Variants in ROBO1 observed in about 807,000 individuals in gnomAD.
ROBO1 encodes the protein roundabout guidance receptor 1.
In ROBO1, 149 loss-of-function variants were observed where a neutral mutation model predicts 195.9. The observed-to-expected ratio is 0.76, with a 90% CI of 0.67 to 0.87. The LOEUF (loss-of-function observed/expected upper bound fraction) is 0.87. ROBO1 is among the 40% of genes least tolerant of loss of function. The pLI, the probability that ROBO1 is intolerant of heterozygous loss-of-function variation, is 0.00. For synonymous variants in ROBO1, 816 were observed against 733.2 expected, an observed-to-expected ratio of 1.11 and a Z score of -1.82; for missense variants, 1,933 against 2,068.3, an observed-to-expected ratio of 0.93 and a Z score of 1.27.
At chr3:79,311,028 G>C (rs1176237457) in intron 2 of ROBO1, among the ~76,000 whole-genome samples, 1 of 151,880 alleles carries the variant, frequency 6.6e-6, no homozygotes, top group Non-Finnish European at 1.5e-5. Context: ...TTCTTTATTT[G>C]ATACGTCAAG....
chr3:79,148,977 C>G (rs2080710441), intron 2 of ROBO1, among the ~76,000 whole-genome samples: 1 of 151,872 alleles, frequency 6.6e-6, no homozygotes, highest in Non-Finnish European at 1.5e-5. Context: ...CCAAGTGAGT[C>G]ATTGTTTCCC....
chr3:79,324,285 A>G (rs886978830), intron 2 of ROBO1, among the ~76,000 whole-genome samples: 1 of 152,196 alleles, frequency 6.6e-6, no homozygotes, highest in Admixed American at 6.6e-5. Flanking sequence ...TTTATTTTGC[A>G]CCTGCTATCT....
chr3:79,591,114 A>C (rs1400461929), intron 1 of ROBO1, among the ~76,000 whole-genome samples: 1 of 151,906 alleles, frequency 6.6e-6, no homozygotes, highest in African/African-American at 2.4e-5. Flanking sequence ...GGAAGTGGAA[A>C]GACTTAATCT....
chr3:78,796,364 T>C (rs1435606408), intron 4 of ROBO1, among the ~76,000 whole-genome samples: 1 of 83,298 alleles, frequency 1.2e-5, no homozygotes, highest in Non-Finnish European at 2.4e-5. Flanking sequence ...TGAAATTCAA[T>C]ACCAGAACCG....
chr3:78,611,633 C>T (rs761806805), intron 28 of ROBO1, among the ~76,000 whole-genome samples: 38 of 152,164 alleles, frequency 2.5e-4, no homozygotes, highest in Non-Finnish European at 4.3e-4. Flanking sequence ...GCCACAATGC[C>T]GGGTGTCAGG....
At chr3:79,009,476 T>C (rs2077721878) in intron 3 of ROBO1, among the ~76,000 whole-genome samples, 1 of 152,276 alleles carries the variant, frequency 6.6e-6, no homozygotes, top group East Asian at 1.9e-4. Context: ...GGAAGACCAC[T>C]GAATTCAGCT....
intron 4 of ROBO1, among the ~76,000 whole-genome samples, chr3:78,856,392 C>T (rs187123698): frequency 6.6e-5 from 10 of 151,698 alleles, no homozygotes; most frequent in African/African-American, 2.4e-4. Context: ...ACTATAGACG[C>T]TATCTGAAGC....
intron 5 of ROBO1, among the ~76,000 whole-genome samples, chr3:78,734,646 G>C (rs189661424): frequency 6.6e-6 from 1 of 151,662 alleles, no homozygotes; most frequent in East Asian, 1.9e-4. Context: ...ATCATCTCAG[G>C]AGATTTAAGA....
chr3:78,656,722 G>T (rs748318007), intron 18 of ROBO1, among the ~76,000 whole-genome samples: 1 of 151,996 alleles, frequency 6.6e-6, no homozygotes, highest in Non-Finnish European at 1.5e-5. Flanking sequence ...TGTTCACGGA[G>T]GTATCCTTGG....
chr3:78,618,335 G>A (rs1704250736), intron 26 of ROBO1, among the ~76,000 whole-genome samples: 1 of 152,108 alleles, frequency 6.6e-6, no homozygotes, highest in Non-Finnish European at 1.5e-5. Flanking sequence ...ATGAAAAAAG[G>A]AAAAGTAATA....
intron 4 of ROBO1, among the ~76,000 whole-genome samples, chr3:78,933,887 C>T (rs929264723): frequency 2.0e-5 from 3 of 151,920 alleles, no homozygotes; most frequent in African/African-American, 7.2e-5. Context: ...TGTCAATTTC[C>T]CACATGATCA....
chr3:79,709,377 A>G (rs1461138132), intron 1 of ROBO1, among the ~76,000 whole-genome samples: 2 of 152,162 alleles, frequency 1.3e-5, no homozygotes, highest in Non-Finnish European at 2.9e-5. Flanking sequence ...TTTAGAATAG[A>G]GGAATCTGTA....
intron 2 of ROBO1, among the ~76,000 whole-genome samples, chr3:79,485,519 G>A (rs960249491): frequency 6.6e-6 from 1 of 152,032 alleles, no homozygotes; most frequent in Non-Finnish European, 1.5e-5. Context: ...AAAATTTAGT[G>A]TTCACTTCTG....
At chr3:78,607,488 C>T (rs1449727840) in intron 28 of ROBO1, among the ~76,000 whole-genome samples, 2 of 152,292 alleles carry the variant, frequency 1.3e-5, no homozygotes, top group African/African-American at 2.4e-5. Flanking sequence ...GCTAGAACTA[C>T]AGGTGTGAGC....
At chr3:79,344,846 C>T (rs2035050478) in intron 2 of ROBO1, among the ~76,000 whole-genome samples, 1 of 152,092 alleles carries the variant, frequency 6.6e-6, no homozygotes, top group African/African-American at 2.4e-5. Context: ...TTCGCCCATG[C>T]TGGTCTCATA....
intron 3 of ROBO1, among the ~76,000 whole-genome samples, chr3:79,097,998 C>G (rs1370397837): frequency 6.6e-6 from 1 of 151,612 alleles, no homozygotes; most frequent in East Asian, 1.9e-4. Context: ...AAAGCAGACA[C>G]CAGTTTCTTT....
intron 2 of ROBO1, among the ~76,000 whole-genome samples, chr3:79,237,500 TA>T (rs2082433492): frequency 6.6e-6 from 1 of 150,600 alleles, no homozygotes; most frequent in African/African-American, 2.4e-5. Flanking sequence ...AAAATAATAA[TA>T]AAAAAGATAA....
In ROBO1 at chr3:79,458,372, ACTT is replaced by A. The variant is rs568108327; in HGVS notation, c.88+131449_88+131451del. 1.7e-3 allele frequency among the ~76,000 whole-genome samples: 257 copies of A among 152,268 alleles called. 2 individuals carry two copies. Among genetic ancestry groups the A allele is most frequent in the Non-Finnish European group, 2.9e-3 (200 of 68,018 alleles). The stretch of plus-strand genomic sequence containing the variant: ...CAAGATACCAAGACAATTGTTTTCT[ACTT>A]CTTATGAAACACAATGCTTTCTCCC... On this transcript the variant is annotated intron_variant, in intron 2 of 30. Coordinates refer to ENST00000464233, the MANE Select transcript of ROBO1 (RefSeq NM_002941.4).
chr3:78,679,783 T>G (rs1272679933), intron 10 of ROBO1, among the ~76,000 whole-genome samples: 3 of 152,010 alleles, frequency 2.0e-5, no homozygotes, highest in Non-Finnish European at 2.9e-5. Context: ...TTCAATGCCA[T>G]CCCCATCAAG....
Sources: allele counts gnomAD v4.1 joint callset (sites outside exome capture counted in the v4.1 genomes callset), GRCh38; gene constraint gnomAD v4.1.1; transcripts MANE v1.5; gene names NCBI Gene and HGNC (gene_info 2026-07-23, HGNC 2026-07-21).